Variants in ERMARD observed in about 807,000 individuals in gnomAD.
ERMARD encodes endoplasmic reticulum membrane-associated RNA degradation protein.
Under a neutral mutation model 83.9 loss-of-function variants are expected in ERMARD, and 71 were observed. The observed-to-expected ratio is 0.85, with a 90% CI of 0.70 to 1.03. ERMARD has a LOEUF of 1.03. Among genes scored for constraint, ERMARD ranks in the 50% least tolerant of loss-of-function variants. The pLI is 0.00. For synonymous variants in ERMARD, 284 were observed against 298.6 expected (o/e 0.95, Z 0.50); for missense variants, 838 against 810.9 (o/e 1.03, Z -0.41).
Position 169,762,501 on chromosome 6 carries a change from C to G in ERMARD, c.930C>G (p.Asn310Lys). Reference protein sequence around the residue: ...TGLRNVFATLNRCPKRLLTAE... With the variant: ...TGLRNVFATLKRCPKRLLTAE... ...TTAGGAATGTTTTTGCCACACTTAA[C>G]AGATGTCCAAAAAGACTCCTGACTG... Residue 310 changes from asparagine to lysine, a missense_variant, in exon 9 of 18, where the codon AAC becomes AAG. By Grantham distance (94) the Asn-to-Lys change is moderately conservative. Transcript: ENST00000366773. 2 of 1,614,140 alleles carry G rather than the reference C, an allele frequency of 1.2e-6. No homozygotes were observed. The highest frequency in any genetic ancestry group is 1.7e-6 in the Non-Finnish European group (2 of 1,179,990).
intron 7 of ERMARD, 129 bp from the exon 8 acceptor site, chr6:169,760,513 C>A: frequency 1.5e-6 from 1 of 649,236 alleles, no homozygotes; most frequent in South Asian, 2.0e-5. Flanking sequence ...TCTAACAAGT[C>A]CCCTGCTGCA....
intron 1 of ERMARD, among the ~76,000 whole-genome samples, chr6:169,752,229 A>G (rs923577548): frequency 2.0e-5 from 3 of 152,226 alleles, no homozygotes; most frequent in Admixed American, 1.3e-4. Context: ...CAAAATGATG[A>G]TAACGATAAC....
intron 16 of ERMARD, among the ~76,000 whole-genome samples, 156 bp from the exon 17 acceptor site, chr6:169,779,026 G>A (rs1375656610): frequency 1.3e-5 from 2 of 152,264 alleles, no homozygotes; most frequent in African/African-American, 4.8e-5. Context: ...ACGGGCCTCG[G>A]GGCTGGAAGC....
At chr6:169,771,077 C>CTTTTTTTTTTTTTTTT (rs60995171) in intron 12 of ERMARD, 7 of 141,248 alleles carry the variant, frequency 5.0e-5, no homozygotes, top group Non-Finnish European at 4.6e-5. Context: ...TCTTTTCTTT[C>CTTTTTTTTTTTTTTTT]TTTTTTTTTT....
At chr6:169,752,808 T>C (rs1790309996) in intron 1 of ERMARD, among the ~76,000 whole-genome samples, 1 of 152,218 alleles carries the variant, frequency 6.6e-6, no homozygotes, top group Non-Finnish European at 1.5e-5. Context: ...ATTTCGATTG[T>C]ATTTAATTCT....
chr6:169,768,225 G>A (rs1040458634), intron 11 of ERMARD, 54 bp downstream of exon 11: 1 of 1,481,156 alleles, frequency 6.8e-7, no homozygotes, highest in Non-Finnish European at 9.4e-7. Flanking sequence ...GATGTCGTCA[G>A]CACTTCTCTA....
chr6:169,756,254 AGG>A (rs1790798284), intron 3 of ERMARD, 82 bp from the exon 4 acceptor site: 1 of 734,062 alleles, frequency 1.4e-6, no homozygotes, highest in East Asian at 2.9e-5. Flanking sequence ...AAATCTCTCG[AGG>A]TTTGAATTTC....
chr6:169,776,801 T>A, intron 16 of ERMARD, 128 bp downstream of exon 16: 1 of 1,099,446 alleles, frequency 9.1e-7, no homozygotes, highest in Non-Finnish European at 1.3e-6. Flanking sequence ...GGTGTTGATA[T>A]ACTTGGAGTC....
chr6:169,763,756 C>T (rs895184218), intron 9 of ERMARD, among the ~76,000 whole-genome samples: 1 of 152,212 alleles, frequency 6.6e-6, no homozygotes, highest in African/African-American at 2.4e-5. Flanking sequence ...GGGGGAACAA[C>T]AATTAGAAAA....
At chr6:169,754,954 T>C (rs1790609912) in intron 2 of ERMARD, among the ~76,000 whole-genome samples, 2 of 152,086 alleles carry the variant, frequency 1.3e-5, no homozygotes, top group Non-Finnish European at 2.9e-5. Flanking sequence ...AAAAAAAAAA[T>C]CAGGTTACGA....
At chr6:169,751,940 CAG>C in intron 1 of ERMARD, 1 of 469,010 alleles carries the variant, frequency 2.1e-6, no homozygotes, top group East Asian at 3.8e-5. Flanking sequence ...GGCGGACGGT[CAG>C]GGAGGGCTGT....
chr6:169,775,144 T>A (rs1793431151), intron 13 of ERMARD, 126 bp from the exon 14 acceptor site: 1 of 1,028,534 alleles, frequency 9.7e-7, no homozygotes, highest in South Asian at 1.6e-5. Flanking sequence ...ACCATCTGGT[T>A]TTAAAATGTT....
chr6:169,779,820 C>T (rs1289524093), intron 17 of ERMARD, among the ~76,000 whole-genome samples: 1 of 152,124 alleles, frequency 6.6e-6, no homozygotes, highest in Non-Finnish European at 1.5e-5. Flanking sequence ...TCGGGAAGTC[C>T]ACTTTTAGGA....
At chr6:169,767,567 A>G (rs1792362901) in intron 10 of ERMARD, 1 of 160,390 alleles carries the variant, frequency 6.2e-6, no homozygotes, top group Admixed American at 5.9e-5. Flanking sequence ...TCTAATGTGT[A>G]CACAAACACA....
intron 2 of ERMARD, 85 bp downstream of exon 2, chr6:169,754,117 G>A: frequency 7.5e-7 from 1 of 1,334,918 alleles, no homozygotes; most frequent in Non-Finnish European, 1.0e-6. Context: ...TCTGACCATT[G>A]GTTCCTTTTG....
intron 16 of ERMARD, among the ~76,000 whole-genome samples, chr6:169,777,821 G>A (rs1242100953): frequency 6.6e-6 from 1 of 151,844 alleles, no homozygotes; most frequent in Non-Finnish European, 1.5e-5. Flanking sequence ...CAAATGTGTG[G>A]GTCACTGAGC....
chr6:169,779,200 T>C lies in ERMARD; in HGVS notation c.1758T>C (p.Pro586=), dbSNP rs79095717. ...RMWSSIRLLS[P]VLSLILLLIA... ...TTTTTAGTATCAGACTACTGTCCCCTGTGCTCAGCCTGATACTGTTACTCA... is the reference window on the plus strand; with the variant it reads ...TTTTTAGTATCAGACTACTGTCCCCCGTGCTCAGCCTGATACTGTTACTCA... The change falls in exon 17 of 18, where the codon CCT becomes CCC. Residue 586 remains proline, a synonymous_variant. Transcript: ENST00000366773. 6.2e-7 allele frequency: 1 copy of C among 1,614,214 alleles called. No individual in the cohort carries two copies. The highest frequency in any genetic ancestry group is 1.3e-5 in the African/African-American group (1 of 75,076).
chr6:169,751,316 C>A (rs1169545209), upstream of ERMARD: 6 of 1,607,604 alleles, frequency 3.7e-6, no homozygotes, highest in South Asian at 3.3e-5. Context: ...CCGTCTCGGG[C>A]CCCTAGCAGT....
intron 8 of ERMARD, 45 bp downstream of exon 8, chr6:169,760,801 C>CCT: frequency 7.4e-7 from 1 of 1,348,226 alleles, no homozygotes; most frequent in Non-Finnish European, 1.0e-6. Flanking sequence ...TGGTTGGAGG[C>CCT]CATTCTTTCT....
Sources: gnomAD v4.1 joint callset for allele counts (sites outside exome capture counted in the v4.1 genomes callset) on GRCh38, gnomAD v4.1.1 for gene constraint, MANE v1.5 for transcripts, NCBI Gene and HGNC (gene_info 2026-07-23, HGNC 2026-07-21) for gene names.